The following ENTREP2 variants were observed in gnomAD, a reference collection of about 807,000 sequenced individuals.
ENTREP2 encodes protein ENTREP2.
the ENTREP2 span, among the ~76,000 whole-genome samples, chr15:29,359,828 A>G: frequency 6.6e-6 from 1 of 152,242 alleles, no homozygotes; most frequent in East Asian, 1.9e-4. Flanking sequence ...TTGACAAGGA[A>G]ACATAGATCT....
the ENTREP2 span, among the ~76,000 whole-genome samples, chr15:29,601,622 G>A: frequency 2.0e-5 from 3 of 152,040 alleles, no homozygotes; most frequent in African/African-American, 7.2e-5. Flanking sequence ...ACTCCACATG[G>A]TCAGCTATTT....
the ENTREP2 span, among the ~76,000 whole-genome samples, chr15:29,611,575 T>G: frequency 1.3e-5 from 2 of 151,984 alleles, no homozygotes; most frequent in South Asian, 4.2e-4. Context: ...CCTCTGCCCT[T>G]CCCAGCCACT....
the ENTREP2 span, among the ~76,000 whole-genome samples, chr15:29,308,993 G>A: frequency 6.6e-6 from 1 of 151,998 alleles, no homozygotes; most frequent in East Asian, 1.9e-4. Context: ...TGTCCATCTT[G>A]GTATAAAAGC....
the ENTREP2 span, among the ~76,000 whole-genome samples, chr15:29,523,561 ATTTTTTTT>A: frequency 1.7e-3 from 131 of 78,508 alleles, no homozygotes; most frequent in African/African-American, 6.2e-3. Flanking sequence ...TCCCAGCTAG[ATTTTTTTT>A]TTTTTTTTTT....
the ENTREP2 span, among the ~76,000 whole-genome samples, chr15:29,568,905 T>C: frequency 2.0e-5 from 3 of 152,170 alleles, no homozygotes; most frequent in South Asian, 6.2e-4. Flanking sequence ...AGGTTTATTA[T>C]TAAAAGGCAG....
the ENTREP2 span, among the ~76,000 whole-genome samples, chr15:29,403,277 G>A: frequency 1.3e-5 from 2 of 152,230 alleles, no homozygotes; most frequent in African/African-American, 4.8e-5. Context: ...GGACCCAAAC[G>A]TATTCAAGAG....
chr15:29,139,771 A>G, the ENTREP2 span, among the ~76,000 whole-genome samples: 1 of 151,976 alleles, frequency 6.6e-6, no homozygotes, highest in African/African-American at 2.4e-5. Context: ...GAATCCTTTG[A>G]CCTTGACTCC....
the ENTREP2 span, chr15:29,151,959 T>C: frequency 2.6e-6 from 2 of 755,262 alleles, no homozygotes; most frequent in Non-Finnish European, 4.5e-6. Flanking sequence ...TTCATGGAGG[T>C]TTTGTTTTGT....
At chr15:29,381,455 C>CAAAAAAA in the ENTREP2 span, among the ~76,000 whole-genome samples, 61 of 44,298 alleles carry the variant, frequency 1.4e-3, 4 homozygotes, top group African/African-American at 4.5e-3. Context: ...GACTCTGTCT[C>CAAAAAAA]AAAAAAAAAA....
At chr15:29,425,478 A>T in the ENTREP2 span, among the ~76,000 whole-genome samples, 2 of 152,140 alleles carry the variant, frequency 1.3e-5, no homozygotes. Context: ...CTGGTCTGTT[A>T]TTTTAAGCTA....
At chr15:29,230,745 T>C in the ENTREP2 span, among the ~76,000 whole-genome samples, 1 of 152,122 alleles carries the variant, frequency 6.6e-6, no homozygotes, top group East Asian at 1.9e-4. Flanking sequence ...GTAAGCCTAT[T>C]TGGCAAGAGC....
the ENTREP2 span, among the ~76,000 whole-genome samples, chr15:29,157,218 C>T: frequency 4.6e-5 from 7 of 152,156 alleles, no homozygotes; most frequent in African/African-American, 1.7e-4. Context: ...CTGGGGCTGA[C>T]GATGGAGATC....
chr15:29,203,069 C>T, the ENTREP2 span, among the ~76,000 whole-genome samples: 1 of 152,172 alleles, frequency 6.6e-6, no homozygotes, highest in Non-Finnish European at 1.5e-5. Context: ...ACACTGTCTT[C>T]CACAATGGTT....
At chr15:29,432,698 GC>G in the ENTREP2 span, among the ~76,000 whole-genome samples, 1 of 152,148 alleles carries the variant, frequency 6.6e-6, no homozygotes, top group Non-Finnish European at 1.5e-5. Flanking sequence ...CAGCATGGCA[GC>G]CCACACCTAC....
the ENTREP2 span, among the ~76,000 whole-genome samples, chr15:29,167,771 G>T: frequency 6.6e-6 from 1 of 152,286 alleles, no homozygotes; most frequent in African/African-American, 2.4e-5. Flanking sequence ...ACTCCTTAAA[G>T]AACTAAAAGT....
chr15:29,232,247 A>G, the ENTREP2 span, among the ~76,000 whole-genome samples: 1 of 152,114 alleles, frequency 6.6e-6, no homozygotes, highest in African/African-American at 2.4e-5. Flanking sequence ...TTGATTTTAA[A>G]ATTAGTTTCT....
At chr15:29,314,591 T>C in the ENTREP2 span, among the ~76,000 whole-genome samples, 1 of 152,360 alleles carries the variant, frequency 6.6e-6, no homozygotes, top group Middle Eastern at 3.4e-3. Context: ...AACAGTATAA[T>C]GTAATCATAG....
chr15:29,415,615 C>T, the ENTREP2 span, among the ~76,000 whole-genome samples: 9 of 152,284 alleles, frequency 5.9e-5, no homozygotes, highest in Non-Finnish European at 5.9e-5. Context: ...TCTCTCACCA[C>T]TCCTATTCAA....
At chr15:29,165,802 C>T in the ENTREP2 span, among the ~76,000 whole-genome samples, 1 of 152,072 alleles carries the variant, frequency 6.6e-6, no homozygotes. Flanking sequence ...AAAGAAGGAA[C>T]TCTCTCTAAT....
Sources: allele counts gnomAD v4.1 joint callset (sites outside exome capture counted in the v4.1 genomes callset), GRCh38; gene constraint gnomAD v4.1.1; transcripts MANE v1.5; gene names NCBI Gene and HGNC (gene_info 2026-07-23, HGNC 2026-07-21).